The following MAGI1 variants were observed in gnomAD, a reference collection of about 807,000 sequenced individuals.
MAGI1 encodes the protein membrane-associated guanylate kinase, WW and PDZ domain-containing protein 1.
A neutral mutation model predicts 139.9 loss-of-function variants in MAGI1; 58 were observed. That is an observed-to-expected ratio of 0.41 (90% CI 0.34 to 0.52). The LOEUF (loss-of-function observed/expected upper bound fraction) is 0.52, where lower values mean the gene tolerates loss of function less well. Among genes scored for constraint, MAGI1 ranks in the 20% least tolerant of loss-of-function variants. The pLI is 0.12. For synonymous variants in MAGI1, 812 were observed against 737.9 expected, an observed-to-expected ratio of 1.10 and a Z score of -1.63; for missense variants, 1,874 against 1,901.6, an observed-to-expected ratio of 0.99 and a Z score of 0.27.
intron 1 of MAGI1, among the ~76,000 whole-genome samples, chr3:65,725,892 T>G (rs1266109401): frequency 6.6e-6 from 1 of 152,116 alleles, no homozygotes; most frequent in East Asian, 1.9e-4. Flanking sequence ...ACTCAAATTC[T>G]GAAAAAAACT....
At chr3:65,802,866 G>GTGTC (rs1306431491) in intron 1 of MAGI1, among the ~76,000 whole-genome samples, 1 of 151,490 alleles carries the variant, frequency 6.6e-6, no homozygotes, top group Non-Finnish European at 1.5e-5. Flanking sequence ...GTGTGTGTGT[G>GTGTC]TGTGTGTGTG....
chr3:65,961,883 GAAGA>G (rs2064444744), intron 1 of MAGI1, among the ~76,000 whole-genome samples: 1 of 152,192 alleles, frequency 6.6e-6, no homozygotes, highest in Non-Finnish European at 1.5e-5. Flanking sequence ...ATTGTGCTGA[GAAGA>G]AAGAAGTTTA....
At chr3:65,797,571 C>A (rs940851522) in intron 1 of MAGI1, among the ~76,000 whole-genome samples, 2 of 151,918 alleles carry the variant, frequency 1.3e-5, no homozygotes, top group African/African-American at 4.8e-5. Flanking sequence ...AGAAAATTAG[C>A]CTGGTGTGGT....
chr3:65,424,255 T>C (rs959916890), intron 12 of MAGI1, among the ~76,000 whole-genome samples: 4 of 152,204 alleles, frequency 2.6e-5, no homozygotes, highest in Non-Finnish European at 4.4e-5. Flanking sequence ...CTTTTAACTC[T>C]CATTATCATT....
chr3:65,852,471 A>G (rs1041523930), intron 1 of MAGI1, among the ~76,000 whole-genome samples: 3 of 151,880 alleles, frequency 2.0e-5, no homozygotes, highest in African/African-American at 7.3e-5. Context: ...CTCCATTACC[A>G]TAAAAATGTT....
At chr3:66,029,567 G>A (rs1302457286) in intron 1 of MAGI1, among the ~76,000 whole-genome samples, 1 of 152,208 alleles carries the variant, frequency 6.6e-6, no homozygotes, top group Non-Finnish European at 1.5e-5. Context: ...GTTTAGGGGT[G>A]AGAGAGTCTG....
In MAGI1 at chr3:65,493,582, G is replaced by C. The variant is rs780601000; in HGVS notation, c.480C>G (p.Asn160Lys). ...CCAAGAACTCCTTCACAGTCAGAAAGTTATAGTCCACGCCAGGCACTTCTC... is the reference window on the plus strand; with the variant it reads ...CCAAGAACTCCTTCACAGTCAGAAACTTATAGTCCACGCCAGGCACTTCTC... ...REGEVPGVDY[N>K]FLTVKEFLDL... Residue 160 changes from asparagine (N) to lysine (K), a missense_variant, in exon 3 of 23, where the codon AAC (asparagine) becomes AAG (lysine). Physicochemically the swap from Asn to Lys is moderately conservative, Grantham distance 94 (BLOSUM62 0). Transcript: ENST00000402939. 1 of 1,614,176 alleles carries C rather than the reference G, an allele frequency of 6.2e-7. No individual in the cohort carries two copies. Among genetic ancestry groups the C allele is most frequent in the Non-Finnish European group, 8.5e-7 (1 of 1,180,032 alleles).
chr3:65,830,935 T>C (rs2042489733), intron 1 of MAGI1, among the ~76,000 whole-genome samples: 1 of 152,176 alleles, frequency 6.6e-6, no homozygotes, highest in Admixed American at 6.5e-5. Context: ...TTAGAAAGGT[T>C]ACACAGTATC....
intron 1 of MAGI1, among the ~76,000 whole-genome samples, chr3:65,845,632 C>T (rs1248432303): frequency 6.6e-6 from 1 of 152,196 alleles, no homozygotes; most frequent in Non-Finnish European, 1.5e-5. Context: ...TACCACATCA[C>T]TCACAACTGC....
rs201638232 is a variant in MAGI1 at position 65,453,274 on chromosome 3, T to C, written c.1026A>G (p.Glu342=). 6 of 1,613,684 alleles carry C rather than the reference T, an allele frequency of 3.7e-6. No homozygotes were observed. Among genetic ancestry groups the C allele is most frequent in the Non-Finnish European group, 4.2e-6 (5 of 1,179,944 alleles). ...GCCCCTTACCATCATCTTCACACTC[T>C]TCCAGTGGCTTCTGCTGCTTGTTTA... is the stretch of plus-strand genomic sequence containing the variant. The part of the protein sequence containing the change: ...RCLNKQQKPL[E]ECEDDEGVHT... Residue 342 remains glutamate, a synonymous_variant, in exon 6 of 23, where the codon GAA becomes GAG. Transcript: ENST00000402939.
chr3:65,744,113 G>T (rs2035498148), intron 1 of MAGI1, among the ~76,000 whole-genome samples: 1 of 152,194 alleles, frequency 6.6e-6, no homozygotes, highest in African/African-American at 2.4e-5. Flanking sequence ...AGCTTCATGG[G>T]TATCTCCCTA....
intron 1 of MAGI1, among the ~76,000 whole-genome samples, chr3:65,739,464 T>C (rs141403131): frequency 6.6e-6 from 1 of 152,222 alleles, no homozygotes; most frequent in East Asian, 1.9e-4. Flanking sequence ...CCCTTTTAAT[T>C]TGCCGCCAGA....
chr3:65,683,056 A>C (rs756697901), intron 1 of MAGI1, among the ~76,000 whole-genome samples: 1 of 152,034 alleles, frequency 6.6e-6, no homozygotes, highest in Non-Finnish European at 1.5e-5. Context: ...TGAGAATCTA[A>C]TGCCAATGCT....
At chr3:65,651,471 AGTGCCT>A (rs550312298) in intron 1 of MAGI1, among the ~76,000 whole-genome samples, 2 of 152,234 alleles carry the variant, frequency 1.3e-5, no homozygotes, top group East Asian at 3.9e-4. Flanking sequence ...GGAAACACTC[AGTGCCT>A]TGATGGTCAT....
chr3:65,791,797 A>G (rs758463294), intron 1 of MAGI1, among the ~76,000 whole-genome samples: 2 of 152,202 alleles, frequency 1.3e-5, no homozygotes, highest in African/African-American at 2.4e-5. Context: ...GCAGAAAAAC[A>G]TTCAAATATA....
At chr3:65,409,877 G>A (rs1164596932) in intron 12 of MAGI1, among the ~76,000 whole-genome samples, 4 of 152,164 alleles carry the variant, frequency 2.6e-5, no homozygotes, top group African/African-American at 9.7e-5. Flanking sequence ...AGTGTCAGCT[G>A]GCATTTTGTG....
chr3:65,658,836 G>A (rs572395223), intron 1 of MAGI1, among the ~76,000 whole-genome samples: 1 of 152,290 alleles, frequency 6.6e-6, no homozygotes, highest in African/African-American at 2.4e-5. Flanking sequence ...ACAATATTGT[G>A]TCCAGTCTAA....
chr3:65,437,530 C>CGT (rs1947938626), intron 9 of MAGI1, among the ~76,000 whole-genome samples: 1 of 151,720 alleles, frequency 6.6e-6, no homozygotes, highest in African/African-American at 2.4e-5. Flanking sequence ...TCAGGAAAGA[C>CGT]ATACAGTCAA....
chr3:65,599,381 A>G (rs2082377687), intron 2 of MAGI1, among the ~76,000 whole-genome samples: 2 of 152,224 alleles, frequency 1.3e-5, no homozygotes, highest in Non-Finnish European at 2.9e-5. Flanking sequence ...TTTGCTACTC[A>G]GTAAACCTAG....
Sources: gnomAD v4.1 joint callset for allele counts (sites outside exome capture counted in the v4.1 genomes callset) on GRCh38, gnomAD v4.1.1 for gene constraint, MANE v1.5 for transcripts, NCBI Gene and HGNC (gene_info 2026-07-23, HGNC 2026-07-21) for gene names.